SPOCK1: variants seen among roughly 807,000 people sequenced by gnomAD.
SPOCK1 encodes testican-1.
SPOCK1 carries 23 observed loss-of-function variants against 55.3 expected under a neutral mutation model. The observed-to-expected ratio is 0.42, with a 90% CI of 0.30 to 0.59. SPOCK1 has a LOEUF of 0.59. Ranked by LOEUF, SPOCK1 falls within the 20% of genes least tolerant of loss-of-function variation. SPOCK1 has a pLI of 0.22. For missense variants in SPOCK1, 499 were observed against 552.5 expected, an observed-to-expected ratio of 0.90 and a Z score of 0.97; for synonymous variants, 226 against 221.0, an observed-to-expected ratio of 1.02 and a Z score of -0.20.
intron 2 of SPOCK1, among the ~76,000 whole-genome samples, chr5:137,321,164 T>C (rs546758961): frequency 1.3e-5 from 2 of 149,824 alleles, no homozygotes; most frequent in South Asian, 4.3e-4. Context: ...AGACAGGTCA[T>C]TGGAAATTAT....
intron 5 of SPOCK1, 58 bp from the exon 6 acceptor site, chr5:137,067,887 G>T (rs944895450): frequency 8.4e-6 from 12 of 1,423,064 alleles, no homozygotes; most frequent in Non-Finnish European, 1.1e-5. Context: ...CCCCTACCCC[G>T]CCTCCTAAGA....
chr5:137,106,289 G>T (rs1753366091), intron 5 of SPOCK1, among the ~76,000 whole-genome samples: 1 of 152,094 alleles, frequency 6.6e-6, no homozygotes, highest in African/African-American at 2.4e-5. Context: ...TGAAGCCTGG[G>T]CTGCCCAGGG....
At chr5:137,375,948 T>C (rs1751304547) in intron 2 of SPOCK1, among the ~76,000 whole-genome samples, 1 of 152,152 alleles carries the variant, frequency 6.6e-6, no homozygotes, top group Non-Finnish European at 1.5e-5. Context: ...AGAAGAATGC[T>C]CCCTTCCTCT....
intron 2 of SPOCK1, among the ~76,000 whole-genome samples, chr5:137,390,028 A>G (rs1235094990): frequency 6.6e-6 from 1 of 152,140 alleles, no homozygotes; most frequent in Non-Finnish European, 1.5e-5. Flanking sequence ...CCCAGGTTCA[A>G]GCAGAACTTC....
intron 5 of SPOCK1, among the ~76,000 whole-genome samples, chr5:137,088,064 T>G (rs1752991424): frequency 6.6e-6 from 1 of 152,158 alleles, no homozygotes. Context: ...AGGTCTAGAT[T>G]CCATGTGTGT....
chr5:137,167,126 A>T (rs1580786698), intron 3 of SPOCK1, among the ~76,000 whole-genome samples: 3 of 152,182 alleles, frequency 2.0e-5, no homozygotes, highest in Admixed American at 6.5e-5. Context: ...ATGGAAAGAG[A>T]TATTTCATGC....
intron 6 of SPOCK1, among the ~76,000 whole-genome samples, chr5:137,019,191 A>G (rs1292441735): frequency 1.3e-5 from 2 of 152,304 alleles, no homozygotes; most frequent in African/African-American, 4.8e-5. Context: ...TACAAAATAA[A>G]TTACTGGTTT....
At position 137,425,067 on chromosome 5, in the gene SPOCK1, CATAAATATGAACAACACAGTT is replaced by C. The variant is rs1752580304; in HGVS notation, c.186+73285_186+73305del. Among the ~76,000 whole-genome samples the C allele has an allele frequency of 2.0e-5, 3 of 152,204 alleles. No homozygotes were observed. The South Asian group carries it at 6.2e-4, about 32-fold the overall frequency. Reference sequence around the variant, plus strand: ...CTTTACCAAAGGGTTTGTCTACATTCATAAATATGAACAACACAGTTATAAATATAAATATTTCAGGCTGTC... The same window carrying C: ...CTTTACCAAAGGGTTTGTCTACATTCATAAATATAAATATTTCAGGCTGTC... On this transcript the variant is annotated intron_variant, in intron 2 of 10. Coordinates refer to ENST00000394945, the MANE Select transcript of SPOCK1 (RefSeq NM_004598.4).
intron 5 of SPOCK1, among the ~76,000 whole-genome samples, chr5:137,077,881 G>A (rs1752802124): frequency 6.6e-6 from 1 of 152,220 alleles, no homozygotes; most frequent in Admixed American, 6.5e-5. Flanking sequence ...TGGACAGGAA[G>A]AGGTTGCTGA....
At chr5:137,186,963 T>G (rs1755081067) in intron 3 of SPOCK1, among the ~76,000 whole-genome samples, 1 of 152,140 alleles carries the variant, frequency 6.6e-6, no homozygotes, top group Non-Finnish European at 1.5e-5. Context: ...TCTCCCTCCC[T>G]CCTGAATGTG....
intron 2 of SPOCK1, among the ~76,000 whole-genome samples, chr5:137,444,657 A>G (rs1753084300): frequency 6.6e-6 from 1 of 152,190 alleles, no homozygotes; most frequent in Non-Finnish European, 1.5e-5. Flanking sequence ...ACACTCTTAG[A>G]AGCAAGTAAT....
Position 137,491,171 on chromosome 5 carries a change from C to G in SPOCK1, c.186+7202G>C, listed in dbSNP as rs142225237. On this transcript the variant is annotated intron_variant, in intron 2 of 10. Transcript: ENST00000394945. ...AGAAGAAACTGATGCTCTAGCCAAA[C>G]ACCTAAGCTTAGCTTTGGCAAGACT... Among the ~76,000 whole-genome samples the G allele has an allele frequency of 8.0e-3, 1,213 of 152,290 alleles. 13 individuals are homozygous for G. The highest frequency in any genetic ancestry group is 0.028 in the African/African-American group (1,144 of 41,554).
At chr5:137,334,992 C>T (rs973143100) in intron 2 of SPOCK1, among the ~76,000 whole-genome samples, 2 of 152,204 alleles carry the variant, frequency 1.3e-5, no homozygotes, top group African/African-American at 4.8e-5. Flanking sequence ...GATTTCACCC[C>T]TATGACATGT....
chr5:137,427,536 C>T (rs1042261164), intron 2 of SPOCK1, among the ~76,000 whole-genome samples: 3 of 152,140 alleles, frequency 2.0e-5, no homozygotes, highest in Non-Finnish European at 4.4e-5. Flanking sequence ...AGATGCCTAC[C>T]AGGCCAAAGA....
intron 2 of SPOCK1, among the ~76,000 whole-genome samples, chr5:137,306,138 T>C (rs1450679234): frequency 1.3e-5 from 2 of 152,310 alleles, no homozygotes; most frequent in East Asian, 3.9e-4. Context: ...CGAGAAGTCA[T>C]GTGACAAGAG....
At chr5:137,292,426 TAAAAAAAAAAAAAAAAAAAA>T (rs753574851) in intron 2 of SPOCK1, among the ~76,000 whole-genome samples, 57 of 38,002 alleles carry the variant, frequency 1.5e-3, no homozygotes, top group South Asian at 4.0e-3. Flanking sequence ...CTGGTGTAGT[TAAAAAAAAAAAAAAAAAAAA>T]AAAAAAAAAA....
chr5:137,099,607 T>C (rs1478288078), intron 5 of SPOCK1, among the ~76,000 whole-genome samples: 1 of 151,924 alleles, frequency 6.6e-6, no homozygotes, highest in African/African-American at 2.4e-5. Context: ...CACATATATA[T>C]ACACACACAT....
chr5:137,470,680 G>T (rs939600686), intron 2 of SPOCK1, among the ~76,000 whole-genome samples: 1 of 152,198 alleles, frequency 6.6e-6, no homozygotes, highest in African/African-American at 2.4e-5. Flanking sequence ...AGCCAGAAAG[G>T]AAATCTGCTT....
At chr5:137,230,504 G>A (rs66868736) in intron 3 of SPOCK1, among the ~76,000 whole-genome samples, 28,333 of 152,116 alleles carry the variant, frequency 0.19, 3,285 homozygotes, top group Middle Eastern at 0.32. Context: ...TACTACTTCT[G>A]TAAGAAGAAA....
Sources: gnomAD v4.1 joint callset for allele counts (sites outside exome capture counted in the v4.1 genomes callset) on GRCh38, gnomAD v4.1.1 for gene constraint, MANE v1.5 for transcripts, NCBI Gene and HGNC (gene_info 2026-07-23, HGNC 2026-07-21) for gene names.